Variants in SLC15A1 observed in about 807,000 individuals in gnomAD.
SLC15A1 encodes the protein Caco-2 oligopeptide transporter.
In SLC15A1, 83 loss-of-function variants were observed where a neutral mutation model predicts 92.9. The observed-to-expected ratio is 0.89, with a 90% confidence interval of 0.75 to 1.07. The LOEUF is 1.07. Ranked by LOEUF, SLC15A1 falls within the 50% of genes least tolerant of loss-of-function variation. The pLI, the probability that SLC15A1 is intolerant of heterozygous loss-of-function variation, is 0.00. For missense variants in SLC15A1, 857 were observed against 880.1 expected (o/e 0.97, Z 0.33); for synonymous variants, 322 against 318.2 (o/e 1.01, Z -0.13).
chr13:98,740,432 A>G (rs1407812304), intron 1 of SLC15A1, among the ~76,000 whole-genome samples: 1 of 152,090 alleles, frequency 6.6e-6, no homozygotes, highest in Admixed American at 6.5e-5. Flanking sequence ...CCCGGCATTC[A>G]AGGCCCCCCA....
intron 18 of SLC15A1, among the ~76,000 whole-genome samples, chr13:98,694,231 C>A (rs1254382384): frequency 6.6e-6 from 1 of 152,088 alleles, no homozygotes; most frequent in East Asian, 1.9e-4. Flanking sequence ...TCATGAAAAA[C>A]AAGCATTGAA....
In SLC15A1 at chr13:98,687,542, G is replaced by C; in HGVS notation, c.1827+39C>G. On this transcript the variant is annotated intron_variant, in intron 21 of 22. Coordinates refer to ENST00000376503, the MANE Select transcript of SLC15A1 (RefSeq NM_005073.4). ...CCCATCAGCATTTTCTGCAGGCAGGGGTATTGCAGATGGGTGGTAAATACA... is the reference window on the plus strand; with the variant it reads ...CCCATCAGCATTTTCTGCAGGCAGGCGTATTGCAGATGGGTGGTAAATACA... The C allele has an allele frequency of 1.9e-6, 3 of 1,605,200 alleles. No individual in the cohort carries two copies. The African/African-American group carries it at 4.0e-5, about 22-fold the overall frequency.
intron 1 of SLC15A1, among the ~76,000 whole-genome samples, chr13:98,747,710 G>A (rs1385829426): frequency 2.0e-5 from 3 of 152,060 alleles, no homozygotes; most frequent in Non-Finnish European, 2.9e-5. Flanking sequence ...GTGAAACCCC[G>A]TCTCTACTAA....
chr13:98,686,143 G>T, intron 22 of SLC15A1, 47 bp downstream of exon 22: 1 of 1,389,820 alleles, frequency 7.2e-7, no homozygotes, highest in Non-Finnish European at 1.0e-6. Context: ...TGATGACCAT[G>T]AACAGGAAAG....
At chr13:98,696,080 GTCT>G (rs1255840162) in intron 18 of SLC15A1, among the ~76,000 whole-genome samples, 3 of 151,456 alleles carry the variant, frequency 2.0e-5, no homozygotes, top group Non-Finnish European at 2.9e-5. Context: ...TCGTGGGTCT[GTCT>G]TCTTTTCTAA....
At chr13:98,702,451 A>G in intron 18 of SLC15A1, 29 bp downstream of exon 18, 1 of 1,524,952 alleles carries the variant, frequency 6.6e-7, no homozygotes, top group Non-Finnish European at 9.1e-7. Flanking sequence ...GAATCTGATA[A>G]AACTTAAATT....
At chr13:98,741,739 A>G (rs1416731798) in intron 1 of SLC15A1, among the ~76,000 whole-genome samples, 1 of 151,918 alleles carries the variant, frequency 6.6e-6, no homozygotes, top group Non-Finnish European at 1.5e-5. Flanking sequence ...AAAAAAAAAA[A>G]AAAAAGGCCT....
chr13:98,720,191 T>A (rs533359978), intron 7 of SLC15A1, among the ~76,000 whole-genome samples: 79 of 152,306 alleles, frequency 5.2e-4, no homozygotes, highest in African/African-American at 1.9e-3. Context: ...TTTCCCCCTA[T>A]AAAGAATAGA....
chr13:98,695,323 G>C (rs1340512951), intron 18 of SLC15A1, among the ~76,000 whole-genome samples: 3 of 152,130 alleles, frequency 2.0e-5, no homozygotes, highest in Non-Finnish European at 4.4e-5. Context: ...CTGAGCTCAA[G>C]TAATGCTCCC....
chr13:98,692,437 C>T (rs1431195962), intron 18 of SLC15A1, among the ~76,000 whole-genome samples: 1 of 151,898 alleles, frequency 6.6e-6, no homozygotes, highest in African/African-American at 2.4e-5. Context: ...GGGATTACAG[C>T]CATGAGCCAC....
intron 18 of SLC15A1, among the ~76,000 whole-genome samples, chr13:98,701,847 A>T (rs980046391): frequency 2.8e-4 from 42 of 148,114 alleles, no homozygotes; most frequent in African/African-American, 9.4e-4. Flanking sequence ...TTTTTTTTAA[A>T]AATTTTTATT....
intron 1 of SLC15A1, among the ~76,000 whole-genome samples, chr13:98,735,945 C>G (rs1486564683): frequency 6.6e-6 from 1 of 152,172 alleles, no homozygotes; most frequent in African/African-American, 2.4e-5. Flanking sequence ...CAATGCCATC[C>G]CCATCAAGCT....
At chr13:98,737,772 A>G (rs2088406115) in intron 1 of SLC15A1, among the ~76,000 whole-genome samples, 2 of 152,254 alleles carry the variant, frequency 1.3e-5, no homozygotes, top group African/African-American at 4.8e-5. Context: ...TGCTATAAAG[A>G]TACCTGAAAA....
At position 98,687,613 on chromosome 13, in the gene SLC15A1, A is replaced by G; in HGVS notation, c.1795T>C (p.Ser599Pro). The change falls in exon 21 of 23, where the codon TCT (serine) becomes CCT (proline). Residue 599 changes from serine (S) to proline (P), a missense_variant. Ser to Pro is a moderately conservative substitution (Grantham distance 74). Coordinates refer to ENST00000376503, the MANE Select transcript of SLC15A1 (RefSeq NM_005073.4). ...TATGAGAATTCCAATCCCGTGACAGAGAAGACCACTTCGCCACAGGTGAGA... is the reference window on the plus strand; with the variant it reads ...TATGAGAATTCCAATCCCGTGACAGGGAAGACCACTTCGCCACAGGTGAGA... ...FLLTCGEVVF[S>P]VTGLEFSYSQ... 6.2e-7 allele frequency: 1 copy of G among 1,614,232 alleles called. No individual in the cohort carries two copies. The highest frequency in any genetic ancestry group is 1.1e-5 in the South Asian group (1 of 91,086).
intron 21 of SLC15A1, among the ~76,000 whole-genome samples, chr13:98,686,504 G>A (rs566236075): frequency 6.6e-5 from 10 of 152,254 alleles, no homozygotes; most frequent in South Asian, 2.1e-4. Context: ...TGTGTTTCAC[G>A]CTCCACATCC....
chr13:98,707,355 G>A (rs759106278), intron 15 of SLC15A1, among the ~76,000 whole-genome samples: 1 of 152,142 alleles, frequency 6.6e-6, no homozygotes, highest in Non-Finnish European at 1.5e-5. Context: ...TACAACAGGA[G>A]GAACCTTGAA....
intron 7 of SLC15A1, chr13:98,721,184 G>T (rs760655464): frequency 1.5e-5 from 8 of 551,344 alleles, no homozygotes; most frequent in Non-Finnish European, 1.4e-5. Flanking sequence ...GGCTTCCAAG[G>T]CACCTCTCTT....
chr13:98,752,487 G>A (rs1021186686), intron 1 of SLC15A1, 108 bp downstream of exon 1: 3 of 1,074,064 alleles, frequency 2.8e-6, no homozygotes, highest in African/African-American at 3.3e-5. Flanking sequence ...GGGTCGCCCC[G>A]CTTCCCGCCG....
chr13:98,710,777 C>T (rs2088154675), intron 11 of SLC15A1, among the ~76,000 whole-genome samples: 1 of 130,452 alleles, frequency 7.7e-6, no homozygotes, highest in Non-Finnish European at 1.6e-5. Flanking sequence ...CACTGTACTC[C>T]AGCTTGGGCA....
Sources: allele counts gnomAD v4.1 joint callset (sites outside exome capture counted in the v4.1 genomes callset), GRCh38; gene constraint gnomAD v4.1.1; transcripts MANE v1.5; gene names NCBI Gene and HGNC (gene_info 2026-07-23, HGNC 2026-07-21).